Variants in FAM222B observed in about 807,000 individuals in gnomAD.
FAM222B encodes the protein family with sequence similarity 222 member B.
Under a neutral mutation model 38.0 loss-of-function variants are expected in FAM222B, and 12 were observed. That is an observed-to-expected ratio of 0.32 (90% confidence interval 0.20 to 0.51). The LOEUF (loss-of-function observed/expected upper bound fraction) is 0.51. Ranked by LOEUF, FAM222B falls within the 20% of genes least tolerant of loss-of-function variation. FAM222B has a pLI of 0.97. For synonymous variants in FAM222B, 329 were observed against 317.2 expected (o/e 1.04, Z -0.40); for missense variants, 716 against 754.2 (o/e 0.95, Z 0.59).
chr17:28,771,879 C>G (rs2035651039), intron 1 of FAM222B, among the ~76,000 whole-genome samples: 1 of 151,942 alleles, frequency 6.6e-6, no homozygotes, highest in Admixed American at 6.6e-5. Context: ...ACAGTGAAAC[C>G]CTGTCTCTAC....
chr17:28,831,425 T>C (rs1352886894), intron 1 of FAM222B, among the ~76,000 whole-genome samples: 3 of 152,160 alleles, frequency 2.0e-5, no homozygotes, highest in Non-Finnish European at 4.4e-5. Flanking sequence ...TCCAACTCTG[T>C]TGTCCTTTTT....
intron 1 of FAM222B, among the ~76,000 whole-genome samples, chr17:28,808,095 C>A (rs2037576041): frequency 6.6e-6 from 1 of 152,190 alleles, no homozygotes; most frequent in Admixed American, 6.5e-5. Context: ...TATTTATGCC[C>A]TCAATTGTTT....
intron 1 of FAM222B, among the ~76,000 whole-genome samples, chr17:28,782,463 T>G (rs2036206047): frequency 6.6e-6 from 1 of 152,196 alleles, no homozygotes; most frequent in Admixed American, 6.6e-5. Flanking sequence ...TTATGGAATC[T>G]AAATAACTCC....
intron 1 of FAM222B, among the ~76,000 whole-genome samples, chr17:28,851,578 T>C (rs1473699419): frequency 6.6e-6 from 1 of 150,382 alleles, no homozygotes; most frequent in African/African-American, 2.5e-5. Flanking sequence ...CCTGTCTCTA[T>C]AAAAAATACA....
At chr17:28,772,706 C>T (rs1323450268) in intron 1 of FAM222B, among the ~76,000 whole-genome samples, 2 of 151,972 alleles carry the variant, frequency 1.3e-5, no homozygotes, top group East Asian at 1.9e-4. Flanking sequence ...ACCAGCCTGG[C>T]CAATATGGTG....
At position 28,855,004 on chromosome 17, in the gene FAM222B, T is replaced by C. The variant is rs761635426; in HGVS notation, c.-95A>G. On this transcript the variant is annotated 5_prime_UTR_variant, in exon 1 of 3. Transcript: ENST00000577513. ...CTCTGTTCAATCGTAGGAGCGCTCC[T>C]GGTCGGTTCCCGCAGTGCCTTGCGG... 12 of 1,547,432 alleles carry C rather than the reference T, an allele frequency of 7.8e-6. No homozygotes were observed. The East Asian group carries it at 2.3e-4, about 29-fold the overall frequency.
chr17:28,760,598 A>G (rs138481244), intron 2 of FAM222B, among the ~76,000 whole-genome samples: 381 of 151,914 alleles, frequency 2.5e-3, no homozygotes, highest in Middle Eastern at 6.8e-3. Context: ...AAAAAAAAAA[A>G]AGAGAGAAAT....
chr17:28,758,056 T>G lies in FAM222B; in HGVS notation c.*214A>C. ...GTCAGTGGAGAGAAAAGCCTGGGCT[T>G]AGGGTTAGGTTCTAACATAAAACCA... On this transcript the variant is annotated 3_prime_UTR_variant, in exon 3 of 3. Transcript: ENST00000581407. 2.2e-6 allele frequency: 1 copy of G among 464,710 alleles called. No individual in the cohort carries two copies. Among genetic ancestry groups the G allele is most frequent in the South Asian group, 4.1e-5 (1 of 24,164 alleles). The allele number at this position is 464,710 out of a possible 1,614,324, so 28.8% of individuals were successfully genotyped here.
upstream of FAM222B, among the ~76,000 whole-genome samples, chr17:28,846,064 A>G (rs375346662): frequency 6.6e-5 from 10 of 151,474 alleles, no homozygotes; most frequent in African/African-American, 2.2e-4. Context: ...TTAGCTGGGC[A>G]TGGTGGCGGG....
chr17:28,790,889 T>A lies in FAM222B; in HGVS notation c.-40-24182A>T, dbSNP rs1370799594. On this transcript the variant is annotated intron_variant, in intron 1 of 2. Coordinates refer to ENST00000581407, the MANE Select transcript of FAM222B (RefSeq NM_001077498.3). ...ATATATTTCAAATTGTTTCACTTTT[T>A]TTTTTTTTTTTTTTTTTTTTTTTTT... Among the ~76,000 whole-genome samples the A allele has an allele frequency of 7.6e-3, 658 of 86,522 alleles. 113 individuals carry two copies. The highest frequency in any genetic ancestry group is 0.022 in the East Asian group (55 of 2,532). The allele number at this position is 86,522 out of a possible 152,430, so 56.8% of individuals were successfully genotyped here.
At chr17:28,796,986 G>T (rs1050645396) in intron 1 of FAM222B, among the ~76,000 whole-genome samples, 1 of 149,144 alleles carries the variant, frequency 6.7e-6, no homozygotes, top group African/African-American at 2.5e-5. Context: ...CCAGTTAAGT[G>T]GCTATTGCTT....
At chr17:28,808,816 CAG>C (rs2037610270) in intron 1 of FAM222B, among the ~76,000 whole-genome samples, 1 of 152,212 alleles carries the variant, frequency 6.6e-6, no homozygotes, top group Non-Finnish European at 1.5e-5. Flanking sequence ...AGAGCATTCT[CAG>C]AGTCTCCTGT....
chr17:28,766,753 C>T lies in FAM222B; in HGVS notation c.-40-46G>A, dbSNP rs999809109. The T allele has an allele frequency of 1.1e-5, 12 of 1,104,746 alleles. 1 individual carries two copies. The highest frequency in any genetic ancestry group is 1.3e-5 in the Non-Finnish European group (10 of 743,388). The allele number at this position is 1,104,746 out of a possible 1,614,324, so 68.4% of individuals were successfully genotyped here. A position where few individuals can be genotyped will look rare whatever the true frequency, so the allele number is the denominator to read the frequency against. ...GTCATGAAACACAAGGCAACTCATT[C>T]GAAGAAGAGAGTAGGAACACTGGAT... On this transcript the variant is annotated intron_variant, in intron 1 of 2. Coordinates refer to ENST00000581407, the MANE Select transcript of FAM222B (RefSeq NM_001077498.3).
At chr17:28,838,991 T>G (rs1325359975) in intron 1 of FAM222B, among the ~76,000 whole-genome samples, 2 of 151,696 alleles carry the variant, frequency 1.3e-5, no homozygotes, top group African/African-American at 4.8e-5. Context: ...GATCACAAGG[T>G]CAGGAGATCG....
At position 28,758,328 on chromosome 17, in the gene FAM222B, C is replaced by T. The variant is rs759312717; in HGVS notation, c.1631G>A (p.Arg544Gln). Residue 544 changes from arginine (R) to glutamine (Q), a missense_variant, in exon 3 of 3, where the codon CGA (arginine) becomes CAA (glutamine). Coordinates refer to ENST00000581407, the MANE Select transcript of FAM222B (RefSeq NM_001077498.3). ...LSKAHRAPGNRAPDPTESRSL... is the reference protein window; with the variant it reads ...LSKAHRAPGNQAPDPTESRSL... ...TCGACTCTCTGTGGGATCGGGGGCT[C>T]GGTTGCCAGGGGCTCGGTGGGCCTT... The T allele has an allele frequency of 1.2e-5, 19 of 1,610,380 alleles. No individual in the cohort carries two copies. The highest frequency in any genetic ancestry group is 1.1e-4 in the South Asian group (10 of 90,706).
chr17:28,762,966 C>G (rs941353254), intron 2 of FAM222B, among the ~76,000 whole-genome samples: 1 of 151,824 alleles, frequency 6.6e-6, no homozygotes, highest in African/African-American at 2.4e-5. Context: ...TTTCTCAACA[C>G]TTATCACAGC....
At chr17:28,854,866 T>TCTTTAG in intron 1 of FAM222B, 1 of 662,734 alleles carries the variant, frequency 1.5e-6, no homozygotes, top group Non-Finnish European at 2.5e-6. Context: ...TTTTCCCCTT[T>TCTTTAG]CCTTAGCCTC....
chr17:28,831,319 T>C (rs2038659946), intron 1 of FAM222B, among the ~76,000 whole-genome samples: 1 of 152,008 alleles, frequency 6.6e-6, no homozygotes, highest in African/African-American at 2.4e-5. Context: ...ACCTCTGTTC[T>C]GTTCATTGAT....
Position 28,766,624 on chromosome 17 carries a change from A to G in FAM222B, c.44T>C (p.Leu15Pro). 6.2e-7 allele frequency: 1 copy of G among 1,606,804 alleles called. No homozygotes were observed. The highest frequency in any genetic ancestry group is 8.5e-7 in the Non-Finnish European group (1 of 1,176,554). ...AGTGTTCATCTGCGTGTGAGAAAGA[A>G]GCTGAAAGGACAGGTCACCTGGCCC... Reference protein sequence around the residue: ...LPGPGDLSFQLLSHTQMNTGL... With the variant: ...LPGPGDLSFQPLSHTQMNTGL... Residue 15 changes from leucine to proline, a missense_variant, in exon 2 of 3, where the codon CTT becomes CCT. By Grantham distance (98) the Leu-to-Pro change is moderately conservative. Transcript: ENST00000581407.
Sources: allele counts gnomAD v4.1 joint callset (sites outside exome capture counted in the v4.1 genomes callset), GRCh38; gene constraint gnomAD v4.1.1; transcripts MANE v1.5; gene names NCBI Gene and HGNC (gene_info 2026-07-23, HGNC 2026-07-21).